MAGI2: variants seen among roughly 807,000 people sequenced by gnomAD.
The protein encoded by MAGI2 is membrane-associated guanylate kinase, WW and PDZ domain-containing protein 2.
A neutral mutation model predicts 133.3 loss-of-function variants in MAGI2; 35 were observed. That is an observed-to-expected ratio of 0.26 (90% CI 0.20 to 0.35). The LOEUF is 0.35. Among genes scored for constraint, MAGI2 ranks in the 10% least tolerant of loss-of-function variants. The pLI is 1.00. For missense variants in MAGI2, 1,636 were observed against 1,863.4 expected (o/e 0.88, Z 2.25); for synonymous variants, 729 against 710.6 (o/e 1.03, Z -0.41).
At chr7:78,370,224 T>C (rs1793783881) in intron 6 of MAGI2, among the ~76,000 whole-genome samples, 1 of 152,112 alleles carries the variant, frequency 6.6e-6, no homozygotes, top group Non-Finnish European at 1.5e-5. Flanking sequence ...TAATTTTCTA[T>C]GCATATGTGT....
intron 1 of MAGI2, among the ~76,000 whole-genome samples, chr7:79,104,325 C>G (rs952906807): frequency 2.9e-4 from 44 of 152,220 alleles, no homozygotes; most frequent in African/African-American, 1.0e-3. Context: ...ATTTAATTCT[C>G]TAGTGCTTCA....
intron 21 of MAGI2, among the ~76,000 whole-genome samples, chr7:78,059,531 C>T (rs1023175328): frequency 1.1e-4 from 17 of 152,152 alleles, no homozygotes; most frequent in African/African-American, 4.1e-4. Flanking sequence ...ATCCTACATT[C>T]GTTTCAAGTT....
At chr7:78,814,212 A>G (rs1583997995) in intron 2 of MAGI2, among the ~76,000 whole-genome samples, 1 of 152,302 alleles carries the variant, frequency 6.6e-6, no homozygotes, top group East Asian at 1.9e-4. Context: ...CCTGGAGTTT[A>G]TGCCTTTGTG....
At chr7:78,636,215 A>C (rs1210874461) in intron 2 of MAGI2, among the ~76,000 whole-genome samples, 1 of 152,140 alleles carries the variant, frequency 6.6e-6, no homozygotes, top group African/African-American at 2.4e-5. Context: ...AATTTGACTT[A>C]TTTTCTTAAC....
intron 10 of MAGI2, among the ~76,000 whole-genome samples, chr7:78,239,510 T>C (rs371990852): frequency 7.2e-5 from 11 of 152,130 alleles, no homozygotes; most frequent in African/African-American, 2.6e-4. Flanking sequence ...AAACTGTACA[T>C]GGATAAAGGG....
chr7:79,266,815 AC>A (rs753411574), intron 1 of MAGI2, among the ~76,000 whole-genome samples: 1 of 151,916 alleles, frequency 6.6e-6, no homozygotes, highest in Non-Finnish European at 1.5e-5. Context: ...CCTGACAGAC[AC>A]CCCCCCAAAG....
At chr7:78,485,640 A>T (rs1359526204) in intron 6 of MAGI2, 2 of 151,988 alleles carry the variant, frequency 1.3e-5, no homozygotes, top group African/African-American at 4.8e-5. Flanking sequence ...TTTAACAGGA[A>T]TTAACTTTAC....
rs1393182788 is a variant in MAGI2, at chr7:78,882,387, C to A, written c.418+124703G>T. Among the ~76,000 whole-genome samples the A allele has an allele frequency of 4.0e-5, 6 of 151,782 alleles. No individual in the cohort carries two copies. The East Asian group carries it at 1.2e-3, about 29-fold the overall frequency. On this transcript the variant is annotated intron_variant, in intron 2 of 21. Coordinates refer to ENST00000354212, the MANE Select transcript of MAGI2 (RefSeq NM_012301.4). ...AAATAGTCATAAAAAACCTGCCAACCCAAAAAAGCCCGCGACCAGATTGAT... is the reference window on the plus strand; with the variant it reads ...AAATAGTCATAAAAAACCTGCCAACACAAAAAAGCCCGCGACCAGATTGAT...
chr7:78,120,857 C>T (rs1476277990), intron 20 of MAGI2, among the ~76,000 whole-genome samples: 1 of 150,264 alleles, frequency 6.7e-6, no homozygotes, highest in Non-Finnish European at 1.5e-5. Context: ...AAAAATTAGC[C>T]GGGCGTAGTG....
chr7:78,136,547 G>A (rs1012825320), intron 16 of MAGI2, among the ~76,000 whole-genome samples: 1 of 152,152 alleles, frequency 6.6e-6, no homozygotes, highest in African/African-American at 2.4e-5. Flanking sequence ...TTATGGGGTG[G>A]ACATCAATAG....
chr7:79,347,168 A>G (rs981656977), intron 1 of MAGI2, among the ~76,000 whole-genome samples: 3 of 152,010 alleles, frequency 2.0e-5, no homozygotes, highest in African/African-American at 7.2e-5. Flanking sequence ...CCTGTTCCAT[A>G]AATATTTGTT....
chr7:78,026,813 A>G lies in MAGI2; in HGVS notation c.3707-6837T>C, dbSNP rs551817213. Among the ~76,000 whole-genome samples, 12 of 152,340 alleles carry G rather than the reference A, an allele frequency of 7.9e-5. No individual in the cohort carries two copies. The South Asian group carries it at 2.5e-3, about 32-fold the overall frequency. On this transcript the variant is annotated intron_variant, in intron 21 of 21. Transcript: ENST00000354212. ...TGCTTTCCTACTCTCATTACAGGGC[A>G]TGAACCCAGGGCCTAACGACTGCGT... is the stretch of plus-strand genomic sequence containing the variant.
chr7:78,817,978 T>G (rs1047996922), intron 2 of MAGI2, among the ~76,000 whole-genome samples: 1 of 152,336 alleles, frequency 6.6e-6, no homozygotes. Context: ...GTGACTCATT[T>G]TATTGACATA....
At chr7:78,068,493 G>A (rs982483998) in intron 21 of MAGI2, among the ~76,000 whole-genome samples, 3 of 152,104 alleles carry the variant, frequency 2.0e-5, no homozygotes, top group South Asian at 4.1e-4. Flanking sequence ...ACACTGTGGT[G>A]GGGGTGCTGA....
At chr7:79,145,448 G>A (rs1822528696) in intron 1 of MAGI2, among the ~76,000 whole-genome samples, 1 of 151,974 alleles carries the variant, frequency 6.6e-6, no homozygotes, top group Non-Finnish European at 1.5e-5. Context: ...CCTTGAGCTG[G>A]GAAACAAGAA....
At chr7:78,157,554 T>A (rs137858470) in intron 16 of MAGI2, among the ~76,000 whole-genome samples, 2 of 152,302 alleles carry the variant, frequency 1.3e-5, no homozygotes, top group African/African-American at 4.8e-5. Context: ...CCCCTATACA[T>A]TTAGAAATAA....
chr7:79,027,737 T>C (rs1257025098), intron 1 of MAGI2, among the ~76,000 whole-genome samples: 1 of 152,186 alleles, frequency 6.6e-6, no homozygotes, highest in East Asian at 1.9e-4. Flanking sequence ...CTTGATTTAA[T>C]TATTCCATCT....
chr7:78,208,031 G>A (rs754484004), intron 10 of MAGI2, among the ~76,000 whole-genome samples: 29 of 151,694 alleles, frequency 1.9e-4, no homozygotes, highest in Admixed American at 6.6e-4. Flanking sequence ...CACCATGCCC[G>A]GCTAATTTTT....
chr7:78,818,841 A>G (rs1404042082), intron 2 of MAGI2, among the ~76,000 whole-genome samples: 10 of 152,140 alleles, frequency 6.6e-5, no homozygotes, highest in Admixed American at 6.5e-4. Context: ...AAAACTTGAG[A>G]CTGAGAAATT....
Sources: gnomAD v4.1 joint callset for allele counts (sites outside exome capture counted in the v4.1 genomes callset) on GRCh38, gnomAD v4.1.1 for gene constraint, MANE v1.5 for transcripts, NCBI Gene and HGNC (gene_info 2026-07-23, HGNC 2026-07-21) for gene names.